PDE4D: variants seen among roughly 807,000 people sequenced by gnomAD.
PDE4D encodes the protein 3',5'-cyclic-AMP phosphodiesterase 4D.
A neutral mutation model predicts 87.4 loss-of-function variants in PDE4D; 24 were observed. The ratio of observed to expected loss-of-function variants is 0.27; its 90% confidence interval spans 0.20 to 0.39. The LOEUF is 0.39. Among genes scored for constraint, PDE4D ranks in the 10% least tolerant of loss-of-function variants. The pLI, the probability that PDE4D is intolerant of heterozygous loss-of-function variation, is 1.00. For synonymous variants in PDE4D, 384 were observed against 383.2 expected, an observed-to-expected ratio of 1.00 and a Z score of -0.02; for missense variants, 714 against 1,041.0, an observed-to-expected ratio of 0.69 and a Z score of 4.32.
intron 1 of PDE4D, among the ~76,000 whole-genome samples, chr5:59,294,738 CATT>C (rs1768728429): frequency 6.6e-6 from 1 of 152,162 alleles, no homozygotes; most frequent in African/African-American, 2.4e-5. Flanking sequence ...TTTGTTCAAT[CATT>C]AGGATTCTGG....
chr5:60,177,294 C>T (rs368137666), intron 2 of PDE4D, among the ~76,000 whole-genome samples: 4 of 152,116 alleles, frequency 2.6e-5, no homozygotes, highest in South Asian at 4.1e-4. Context: ...GAGAGCTGGT[C>T]GCTGGTCAAA....
chr5:59,520,984 T>C (rs566726652), intron 1 of PDE4D, among the ~76,000 whole-genome samples: 21 of 151,954 alleles, frequency 1.4e-4, no homozygotes. Context: ...AAGACTGGAA[T>C]AGAAACGTTC....
chr5:60,047,407 T>C (rs1456473430), intron 2 of PDE4D, among the ~76,000 whole-genome samples: 1 of 152,220 alleles, frequency 6.6e-6, no homozygotes, highest in East Asian at 1.9e-4. Flanking sequence ...TGCCTTCTGC[T>C]AGCTTTTGAA....
chr5:59,276,824 C>T (rs754406362), intron 1 of PDE4D, among the ~76,000 whole-genome samples: 7 of 151,924 alleles, frequency 4.6e-5, no homozygotes, highest in Non-Finnish European at 8.8e-5. Context: ...CTTATTATTT[C>T]GAAGGCCAAA....
chr5:59,128,472 A>T (rs569039180), intron 5 of PDE4D, among the ~76,000 whole-genome samples: 1 of 152,266 alleles, frequency 6.6e-6, no homozygotes, highest in African/African-American at 2.4e-5. Flanking sequence ...ATGCATTCCT[A>T]CCTAGCAGTT....
intron 1 of PDE4D, among the ~76,000 whole-genome samples, chr5:60,409,149 AC>A (rs1352684038): frequency 6.6e-6 from 1 of 152,228 alleles, no homozygotes; most frequent in East Asian, 1.9e-4. Context: ...ATGGAGAGTA[AC>A]TGGAAGTGGG....
chr5:59,537,791 T>C (rs910649724), intron 1 of PDE4D, among the ~76,000 whole-genome samples: 2 of 152,250 alleles, frequency 1.3e-5, no homozygotes, highest in African/African-American at 4.8e-5. Context: ...ACTGCTATAA[T>C]AACACTATAA....
At chr5:59,142,207 T>G (rs1339137112) in intron 5 of PDE4D, among the ~76,000 whole-genome samples, 1 of 152,206 alleles carries the variant, frequency 6.6e-6, no homozygotes, top group Non-Finnish European at 1.5e-5. Flanking sequence ...ATTCTAGCAT[T>G]CCACTAGCCC....
intron 5 of PDE4D, among the ~76,000 whole-genome samples, chr5:59,042,343 T>A (rs1236986910): frequency 6.6e-6 from 1 of 152,088 alleles, no homozygotes; most frequent in Non-Finnish European, 1.5e-5. Flanking sequence ...CGAACAAACC[T>A]CAAAGTGGAG....
chr5:59,071,551 T>C (rs952798373), intron 5 of PDE4D, among the ~76,000 whole-genome samples: 1 of 151,418 alleles, frequency 6.6e-6, no homozygotes, highest in Non-Finnish European at 1.5e-5. Context: ...GTTGTTTTTT[T>C]TTTTTCCATA....
intron 1 of PDE4D, among the ~76,000 whole-genome samples, chr5:59,225,660 A>T (rs1753612572): frequency 6.7e-6 from 1 of 148,354 alleles, no homozygotes; most frequent in Non-Finnish European, 1.5e-5. Context: ...ACTACATCAA[A>T]ATAAAATGTT....
intron 1 of PDE4D, among the ~76,000 whole-genome samples, chr5:60,386,631 C>A (rs1436135329): frequency 1.3e-5 from 2 of 152,142 alleles, no homozygotes; most frequent in African/African-American, 2.4e-5. Context: ...GGCAGCCCTG[C>A]GCATGAACTT....
At chr5:58,983,228 G>A (rs1215525105) in intron 11 of PDE4D, among the ~76,000 whole-genome samples, 4 of 152,368 alleles carry the variant, frequency 2.6e-5, no homozygotes, top group East Asian at 1.9e-4. Context: ...AGAACCATCC[G>A]TAAACCAGGC....
intron 1 of PDE4D, among the ~76,000 whole-genome samples, chr5:59,622,885 C>A (rs1830497102): frequency 6.6e-6 from 1 of 152,168 alleles, no homozygotes; most frequent in Non-Finnish European, 1.5e-5. Flanking sequence ...CAGCTCATAT[C>A]CCATTATCAC....
intron 2 of PDE4D, among the ~76,000 whole-genome samples, chr5:60,020,429 T>C (rs1765931665): frequency 6.6e-6 from 1 of 152,120 alleles, no homozygotes. Context: ...AAAAATAAAA[T>C]ATCTGTCAAG....
chr5:59,235,231 C>T (rs78612682), intron 1 of PDE4D, among the ~76,000 whole-genome samples: 4,798 of 152,222 alleles, frequency 0.032, 263 homozygotes, highest in African/African-American at 0.11. Context: ...ACCCACTTGC[C>T]ATGTCCAAAA....
At chr5:59,402,779 T>C (rs1790897403) in intron 1 of PDE4D, among the ~76,000 whole-genome samples, 2 of 151,444 alleles carry the variant, frequency 1.3e-5, no homozygotes, top group African/African-American at 4.9e-5. Flanking sequence ...TCTCAAACTA[T>C]TTTTTTTTAA....
intron 5 of PDE4D, among the ~76,000 whole-genome samples, chr5:59,178,379 C>G (rs1239180400): frequency 6.6e-6 from 1 of 152,098 alleles, no homozygotes; most frequent in African/African-American, 2.4e-5. Flanking sequence ...TTCTGTGTCC[C>G]CCTTGTCCCT....
chr5:59,942,843 G>C (rs891902904), intron 3 of PDE4D, among the ~76,000 whole-genome samples: 3 of 112,730 alleles, frequency 2.7e-5, no homozygotes, highest in Non-Finnish European at 5.0e-5. Flanking sequence ...TAGAATAGTG[G>C]TTCCTAACTG....
Sources: allele counts gnomAD v4.1 joint callset (sites outside exome capture counted in the v4.1 genomes callset), GRCh38; gene constraint gnomAD v4.1.1; transcripts MANE v1.5; gene names NCBI Gene and HGNC (gene_info 2026-07-23, HGNC 2026-07-21).